FARS2: variants seen among roughly 807,000 people sequenced by gnomAD.
The protein encoded by FARS2 is phenylalanyl-tRNA synthetase 2, mitochondrial.
Under a neutral mutation model 46.4 loss-of-function variants are expected in FARS2, and 40 were observed. That is an observed-to-expected ratio of 0.86 (90% confidence interval 0.67 to 1.12). The LOEUF (loss-of-function observed/expected upper bound fraction) is 1.12, where lower values mean the gene tolerates loss of function less well. Among genes scored for constraint, FARS2 ranks in the 50% most tolerant of loss-of-function variants. The probability of loss-of-function intolerance (pLI) is 0.00; values close to 1 mark genes in which losing one functional copy is unlikely to be tolerated. For missense variants in FARS2, 513 were observed against 567.9 expected (o/e 0.90, Z 0.98); for synonymous variants, 234 against 214.9 (o/e 1.09, Z -0.78).
At chr6:5,569,303 C>T (rs1252811795) in intron 5 of FARS2, among the ~76,000 whole-genome samples, 4 of 151,198 alleles carry the variant, frequency 2.6e-5, no homozygotes, top group Non-Finnish European at 5.9e-5. Flanking sequence ...GTGGCACAGT[C>T]ATGGCTCTCT....
At chr6:5,655,110 T>C (rs540352106) in intron 6 of FARS2, among the ~76,000 whole-genome samples, 2 of 152,308 alleles carry the variant, frequency 1.3e-5, no homozygotes, top group East Asian at 3.9e-4. Context: ...AAAGGTTACA[T>C]GTGAATTTTT....
chr6:5,356,536 G>A (rs1757942523), intron 1 of FARS2, among the ~76,000 whole-genome samples: 1 of 152,196 alleles, frequency 6.6e-6, no homozygotes, highest in Admixed American at 6.5e-5. Context: ...GTCTCTAAGT[G>A]CAAGAAGGCT....
At chr6:5,743,929 G>A (rs193105214) in intron 6 of FARS2, among the ~76,000 whole-genome samples, 4 of 152,326 alleles carry the variant, frequency 2.6e-5, no homozygotes, top group East Asian at 1.9e-4. Flanking sequence ...CACACTCACC[G>A]TGCGTTTCTC....
At chr6:5,316,995 G>A (rs116688430) in intron 1 of FARS2, among the ~76,000 whole-genome samples, 2,881 of 152,184 alleles carry the variant, frequency 0.019, 29 homozygotes, top group Middle Eastern at 0.037. Flanking sequence ...GTACAGCCCA[G>A]TACCTAATCA....
chr6:5,341,220 TATATATATATA>T (rs1401579097), intron 1 of FARS2, among the ~76,000 whole-genome samples: 230 of 7,686 alleles, frequency 0.03, 24 homozygotes, highest in African/African-American at 0.089. Context: ...TATATATATA[TATATATATATA>T]TATATTTTTT....
At chr6:5,618,595 T>G (rs1561756219) in intron 6 of FARS2, among the ~76,000 whole-genome samples, 1 of 152,142 alleles carries the variant, frequency 6.6e-6, no homozygotes, top group Non-Finnish European at 1.5e-5. Flanking sequence ...TTTCATAATA[T>G]TAGACAAATG....
chr6:5,438,988 G>A (rs1444875553), intron 4 of FARS2, among the ~76,000 whole-genome samples: 1 of 152,158 alleles, frequency 6.6e-6, no homozygotes, highest in Non-Finnish European at 1.5e-5. Context: ...CTTTCTGAAT[G>A]GCATCCTGTC....
chr6:5,592,373 G>A (rs146227814), intron 5 of FARS2, among the ~76,000 whole-genome samples: 20 of 149,674 alleles, frequency 1.3e-4, no homozygotes, highest in African/African-American at 4.2e-4. Flanking sequence ...GTGACAGAGC[G>A]AGACCTTGTC....
chr6:5,480,626 T>C (rs1187672787), intron 4 of FARS2, among the ~76,000 whole-genome samples: 1 of 152,222 alleles, frequency 6.6e-6, no homozygotes, highest in African/African-American at 2.4e-5. Flanking sequence ...TTCAAGCACA[T>C]TTTGGGAAAT....
intron 5 of FARS2, among the ~76,000 whole-genome samples, chr6:5,569,209 A>C (rs563680375): frequency 6.0e-5 from 9 of 150,846 alleles, no homozygotes; most frequent in African/African-American, 2.2e-4. Flanking sequence ...TGATGAGTTC[A>C]ATTTTGGCCA....
chr6:5,585,437 A>G lies in FARS2; in HGVS notation c.1066-27732A>G, dbSNP rs528710156. Among the ~76,000 whole-genome samples, 244 of 152,276 alleles carry G rather than the reference A, an allele frequency of 1.6e-3. 3 individuals carry two copies. Among genetic ancestry groups the G allele is most frequent in the Middle Eastern group, 6.8e-3 (2 of 294 alleles). The stretch of plus-strand genomic sequence containing the variant: ...ATGCCCAGAATTTATTAATCTTATA[A>G]CTAGAAGTATGTGCCCTTTGACCAA... On this transcript the variant is annotated intron_variant, in intron 5 of 6. Coordinates refer to ENST00000274680, the MANE Select transcript of FARS2 (RefSeq NM_006567.5).
At chr6:5,646,742 A>G (rs895398669) in intron 6 of FARS2, among the ~76,000 whole-genome samples, 1 of 152,232 alleles carries the variant, frequency 6.6e-6, no homozygotes, top group Admixed American at 6.5e-5. Context: ...AATACCTAAT[A>G]CAATGTAAAT....
intron 6 of FARS2, among the ~76,000 whole-genome samples, chr6:5,635,700 A>G (rs1432940997): frequency 6.6e-6 from 1 of 152,134 alleles, no homozygotes; most frequent in Non-Finnish European, 1.5e-5. Context: ...GTTGGATGAG[A>G]CGTGCAGCCT....
chr6:5,331,217 T>G (rs141905958), intron 1 of FARS2, among the ~76,000 whole-genome samples: 2 of 152,322 alleles, frequency 1.3e-5, no homozygotes, highest in East Asian at 1.9e-4. Flanking sequence ...TAATTTTCTC[T>G]TTTATTTTGC....
At chr6:5,531,375 T>TA (rs895850759) in intron 4 of FARS2, among the ~76,000 whole-genome samples, 1 of 152,220 alleles carries the variant, frequency 6.6e-6, no homozygotes, top group African/African-American at 2.4e-5. Context: ...CACTGCTCAT[T>TA]AGCACGTGCT....
chr6:5,470,312 A>G (rs1765743233), intron 4 of FARS2, among the ~76,000 whole-genome samples: 1 of 152,230 alleles, frequency 6.6e-6, no homozygotes, highest in Admixed American at 6.5e-5. Context: ...AGACGTAGAG[A>G]TGATTTAAAG....
At chr6:5,304,333 T>G (rs947764119) in intron 1 of FARS2, among the ~76,000 whole-genome samples, 7 of 152,230 alleles carry the variant, frequency 4.6e-5, no homozygotes, top group Non-Finnish European at 8.8e-5. Context: ...CATTAATTAT[T>G]TAACTCTGTT....
At position 5,501,188 on chromosome 6, in the gene FARS2, T is replaced by C. The variant is rs550630223; in HGVS notation, c.905-43992T>C. On this transcript the variant is annotated intron_variant, in intron 4 of 6. Coordinates refer to ENST00000274680, the MANE Select transcript of FARS2 (RefSeq NM_006567.5). ...GTATCTAAACCTCAAAGAGTTTAAGTAGTATCGGTATACCTCAGCCTTGTA... is the reference window on the plus strand; with the variant it reads ...GTATCTAAACCTCAAAGAGTTTAAGCAGTATCGGTATACCTCAGCCTTGTA... Among the ~76,000 whole-genome samples, 8 of 152,164 alleles carry C rather than the reference T, an allele frequency of 5.3e-5. No homozygotes were observed. The South Asian group carries it at 1.7e-3, about 32-fold the overall frequency.
intron 1 of FARS2, among the ~76,000 whole-genome samples, chr6:5,296,134 T>G (rs1767848715): frequency 1.0e-5 from 1 of 97,038 alleles, no homozygotes; most frequent in African/African-American, 3.9e-5. Flanking sequence ...TTGGCCTTTT[T>G]TTTTTTTTTT....
Sources: allele counts gnomAD v4.1 joint callset (sites outside exome capture counted in the v4.1 genomes callset), GRCh38; gene constraint gnomAD v4.1.1; transcripts MANE v1.5; gene names NCBI Gene and HGNC (gene_info 2026-07-23, HGNC 2026-07-21).